ABCC1: variants seen among roughly 807,000 people sequenced by gnomAD.
The protein encoded by ABCC1 is multidrug resistance-associated protein 1.
A neutral mutation model predicts 172.9 loss-of-function variants in ABCC1; 83 were observed. The ratio of observed to expected loss-of-function variants is 0.48; its 90% CI spans 0.40 to 0.58. The LOEUF (loss-of-function observed/expected upper bound fraction) is 0.58. Among genes scored for constraint, ABCC1 ranks in the 20% least tolerant of loss-of-function variants. The probability of loss-of-function intolerance (pLI) is 0.00; values close to 1 mark genes in which losing one functional copy is unlikely to be tolerated. For missense variants in ABCC1, 1,817 were observed against 2,002.7 expected (o/e 0.91, Z 1.77); for synonymous variants, 937 against 825.2 (o/e 1.14, Z -2.32).
intron 1 of ABCC1, among the ~76,000 whole-genome samples, chr16:15,999,382 G>T (rs1254943033): frequency 6.6e-6 from 1 of 151,894 alleles, no homozygotes; most frequent in African/African-American, 2.4e-5. Context: ...TTGGGAGGCT[G>T]AGGTGGGCGG....
chr16:15,987,711 C>A (rs769276904), intron 1 of ABCC1, among the ~76,000 whole-genome samples: 1 of 152,236 alleles, frequency 6.6e-6, no homozygotes, highest in African/African-American at 2.4e-5. Flanking sequence ...GGTCACCCTG[C>A]GTGAAAGTCA....
intron 5 of ABCC1, among the ~76,000 whole-genome samples, chr16:16,024,230 A>G (rs1322348531): frequency 1.3e-5 from 2 of 152,116 alleles, no homozygotes; most frequent in Non-Finnish European, 2.9e-5. Flanking sequence ...AAAGAAAGAA[A>G]GAAAAAAAGA....
Position 16,112,441 on chromosome 16 carries a change from G to A in ABCC1, c.3079+859G>A, listed in dbSNP as rs117112212. 4.7e-4 allele frequency among the ~76,000 whole-genome samples: 72 copies of A among 151,950 alleles called. 2 individuals carry two copies. In the East Asian group the frequency reaches 0.01, roughly 22 times the overall value. On this transcript the variant is annotated intron_variant, in intron 22 of 30. Coordinates refer to ENST00000399410, the MANE Select transcript of ABCC1 (RefSeq NM_004996.4). Reference sequence around the variant, plus strand: ...TATGGGAGTCCTCAAATGCAGCAGCGTTGATATTAACAGCTGGCATTTACT... The same window carrying A: ...TATGGGAGTCCTCAAATGCAGCAGCATTGATATTAACAGCTGGCATTTACT...
chr16:15,954,795 G>GC (rs1362581771), intron 1 of ABCC1, among the ~76,000 whole-genome samples: 3 of 151,922 alleles, frequency 2.0e-5, no homozygotes, highest in Non-Finnish European at 4.4e-5. Context: ...GGTGGTAGAT[G>GC]GGGGGGAAGA....
At chr16:16,065,476 A>C (rs931988449) in intron 12 of ABCC1, among the ~76,000 whole-genome samples, 2 of 152,062 alleles carry the variant, frequency 1.3e-5, no homozygotes, top group African/African-American at 4.8e-5. Flanking sequence ...TCTGTTGCAC[A>C]CGCTGGGGTG....
At chr16:16,079,997 G>C (rs1202260725) in intron 16 of ABCC1, among the ~76,000 whole-genome samples, 2 of 151,918 alleles carry the variant, frequency 1.3e-5, no homozygotes, top group African/African-American at 4.8e-5. Flanking sequence ...TTTTTTAGTA[G>C]AGACGGTGTT....
At position 16,048,152 on chromosome 16, in the gene ABCC1, T is replaced by C; in HGVS notation, c.1229T>C (p.Ile410Thr). The change falls in exon 10 of 31, where the codon ATC becomes ACC. Residue 410 changes from isoleucine to threonine, a missense_variant. Coordinates refer to ENST00000399410, the MANE Select transcript of ABCC1 (RefSeq NM_004996.4). ...IGAVYRKALV[I>T]TNSARKSSTV... Reference sequence around the variant, plus strand: ...TCCTTTGTCCCACAGGCCCTGGTGATCACCAATTCAGCCAGAAAATCCTCC... The same window carrying C: ...TCCTTTGTCCCACAGGCCCTGGTGACCACCAATTCAGCCAGAAAATCCTCC... The C allele has an allele frequency of 6.2e-7, 1 of 1,614,146 alleles. No homozygotes were observed. The highest frequency in any genetic ancestry group is 8.5e-7 in the Non-Finnish European group (1 of 1,180,022).
intron 22 of ABCC1, among the ~76,000 whole-genome samples, chr16:16,113,396 C>T (rs904930426): frequency 6.6e-6 from 1 of 152,188 alleles, no homozygotes; most frequent in Non-Finnish European, 1.5e-5. Flanking sequence ...TAGCTCACGC[C>T]TGTAACCCCA....
At chr16:16,122,905 T>A (rs45513499) in intron 24 of ABCC1, among the ~76,000 whole-genome samples, 13,145 of 151,648 alleles carry the variant, frequency 0.087, 771 homozygotes, top group East Asian at 0.22. Flanking sequence ...AAAAAGGAGA[T>A]GGGGGTGGGA....
At position 16,032,402 on chromosome 16, in the gene ABCC1, G is replaced by A. The variant is rs1187439070; in HGVS notation, c.616-707G>A. Among the ~76,000 whole-genome samples the A allele has an allele frequency of 2.6e-5, 4 of 152,158 alleles. No individual in the cohort carries two copies. In the East Asian group the frequency reaches 7.7e-4, roughly 29 times the overall value. On this transcript the variant is annotated intron_variant, in intron 5 of 30. Transcript: ENST00000399410. ...CTAGCTACTAATAGTAGAGAATCTT[G>A]GCAGGTATTACTGATGATTACTGCA...
intron 18 of ABCC1, among the ~76,000 whole-genome samples, chr16:16,089,983 C>G (rs2051175851): frequency 6.6e-6 from 1 of 152,018 alleles, no homozygotes; most frequent in Admixed American, 6.6e-5. Flanking sequence ...TCTTGTCATT[C>G]AGGTTTTTGT....
At chr16:16,122,640 G>C (rs972482246) in intron 24 of ABCC1, among the ~76,000 whole-genome samples, 1 of 151,660 alleles carries the variant, frequency 6.6e-6, no homozygotes, top group Non-Finnish European at 1.5e-5. Flanking sequence ...CAGTACTTTG[G>C]GAGGCTGAGG....
intron 30 of ABCC1, among the ~76,000 whole-genome samples, chr16:16,139,153 A>G: frequency 6.6e-6 from 1 of 152,208 alleles, no homozygotes; most frequent in Admixed American, 6.5e-5. Context: ...GAGGAGACAA[A>G]AAATATACAG....
intron 24 of ABCC1, among the ~76,000 whole-genome samples, chr16:16,123,361 G>A (rs574878283): frequency 2.6e-5 from 4 of 152,076 alleles, no homozygotes; most frequent in South Asian, 4.2e-4. Flanking sequence ...ATGGCCAGGC[G>A]CGGTGGCTCA....
chr16:15,962,726 G>A (rs1312091010), intron 1 of ABCC1, among the ~76,000 whole-genome samples: 2 of 152,176 alleles, frequency 1.3e-5, no homozygotes, highest in Non-Finnish European at 2.9e-5. Context: ...ACAGCATGGG[G>A]GAACCGCTCC....
intron 18 of ABCC1, among the ~76,000 whole-genome samples, chr16:16,088,070 C>G (rs889415097): frequency 2.8e-4 from 43 of 151,778 alleles, no homozygotes; most frequent in Middle Eastern, 3.4e-3. Context: ...CCCATTGTAA[C>G]AAAATTGAAA....
chr16:15,980,069 TC>T (rs1235570405), intron 1 of ABCC1, among the ~76,000 whole-genome samples: 1 of 151,988 alleles, frequency 6.6e-6, no homozygotes, highest in African/African-American at 2.4e-5. Context: ...AAAATAAACA[TC>T]TGATGGAGAC....
intron 1 of ABCC1, among the ~76,000 whole-genome samples, chr16:15,998,124 G>A (rs1161350147): frequency 1.3e-5 from 2 of 148,676 alleles, no homozygotes; most frequent in African/African-American, 2.5e-5. Context: ...GCCCAGTCCC[G>A]ATACTTTGTT....
chr16:16,069,781 T>TG (rs1230900691), intron 13 of ABCC1, among the ~76,000 whole-genome samples: 10 of 151,528 alleles, frequency 6.6e-5, no homozygotes, highest in Non-Finnish European at 1.3e-4. Flanking sequence ...CCCAGCATTT[T>TG]GGGAGACCAA....
Sources: gnomAD v4.1 joint callset for allele counts (sites outside exome capture counted in the v4.1 genomes callset) on GRCh38, gnomAD v4.1.1 for gene constraint, MANE v1.5 for transcripts, NCBI Gene and HGNC (gene_info 2026-07-23, HGNC 2026-07-21) for gene names.